RPTOR: variants seen among roughly 807,000 people sequenced by gnomAD.
RPTOR encodes the protein regulatory-associated protein of mTOR.
RPTOR carries 21 observed loss-of-function variants against 169.9 expected under a neutral mutation model. The ratio of observed to expected loss-of-function variants is 0.12; its 90% CI spans 0.09 to 0.18. The LOEUF (loss-of-function observed/expected upper bound fraction) is 0.18, where lower values mean the gene tolerates loss of function less well. Among genes scored for constraint, RPTOR ranks in the 10% least tolerant of loss-of-function variants. The pLI is 1.00. For synonymous variants in RPTOR, 732 were observed against 753.2 expected (o/e 0.97, Z 0.46); for missense variants, 1,133 against 1,855.9 (o/e 0.61, Z 7.16).
intron 7 of RPTOR, among the ~76,000 whole-genome samples, chr17:80,800,564 T>C (rs984007370): frequency 2.6e-5 from 4 of 152,190 alleles, no homozygotes; most frequent in Admixed American, 6.5e-5. Context: ...TAGTGAACCT[T>C]CCTCGAGCGA....
rs903203798 is a variant in RPTOR, at chr17:80,803,234, TCAC to T, written c.890+11726_890+11728del. ...TGTGTGGTGGCTTTTCCGGTGCTCATCACAGCCACCCGGCGAGCAGCCTCTGAG... is the reference window on the plus strand; with the variant it reads ...TGTGTGGTGGCTTTTCCGGTGCTCATAGCCACCCGGCGAGCAGCCTCTGAG... On this transcript the variant is annotated intron_variant, in intron 7 of 33. Coordinates refer to ENST00000306801, the MANE Select transcript of RPTOR (RefSeq NM_020761.3). The surrounding 1 kb of genome is among the most constrained non-coding windows in gnomAD (Gnocchi z 6.2). 6.6e-6 allele frequency: 1 copy of T among 152,260 alleles called. No homozygotes were observed. Among genetic ancestry groups the T allele is most frequent in the African/African-American group, 2.4e-5 (1 of 41,448 alleles). The allele number at this position is 152,260 out of a possible 1,614,324, so 9.4% of individuals were successfully genotyped here.
intron 3 of RPTOR, among the ~76,000 whole-genome samples, chr17:80,663,799 C>T (rs1191694431): frequency 1.3e-5 from 2 of 151,964 alleles, no homozygotes; most frequent in East Asian, 3.9e-4. Context: ...GGCCTTGTGC[C>T]TTCCTCTGCT....
At position 80,957,837 on chromosome 17, in the gene RPTOR, A is replaced by G; in HGVS notation, c.3477+107A>G. 9.9e-7 allele frequency: 1 copy of G among 1,007,066 alleles called. No homozygotes were observed. The highest frequency in any genetic ancestry group is 2.1e-4 in the Middle Eastern group (1 of 4,834). 62.4% of individuals were successfully genotyped at this position (1,007,066 alleles called of 1,614,324 possible). A position where few individuals can be genotyped will look rare whatever the true frequency, so the allele number is the denominator to read the frequency against. On this transcript the variant is annotated intron_variant, in intron 29 of 33. Transcript: ENST00000306801. This position sits in a 1 kb window ranked among gnomAD's most constrained non-coding sequence, Gnocchi z 4.6. ...GTGTGCGGTGAGGCCTGGCCATCCC[A>G]GGGGTGGAGTCAGGGCCTGGGAGGA...
intron 6 of RPTOR, among the ~76,000 whole-genome samples, chr17:80,777,723 T>C (rs962206108): frequency 6.6e-6 from 1 of 152,266 alleles, no homozygotes; most frequent in Non-Finnish European, 1.5e-5. Flanking sequence ...AGCACTTTTA[T>C]AGCTTTAGCT....
chr17:80,885,243 G>A (rs1431739777), intron 17 of RPTOR, 95 bp downstream of exon 17: 2 of 1,377,358 alleles, frequency 1.5e-6, no homozygotes, highest in Non-Finnish European at 2.0e-6. Flanking sequence ...ACAGCAGGGA[G>A]CACTCAGTTT....
chr17:80,823,383 T>C lies in RPTOR; in HGVS notation c.1136+160T>C. On this transcript the variant is annotated intron_variant, in intron 9 of 33. Transcript: ENST00000306801. The surrounding 1 kb of genome is among the most constrained non-coding windows in gnomAD (Gnocchi z 4.5). ...GCTAAATGCAGGGCTCCCAGAGATC[T>C]CCACACAGAGGAGTGGGGGTCTCCT... The C allele has an allele frequency of 3.3e-6, 3 of 896,568 alleles. No individual in the cohort carries two copies. Among genetic ancestry groups the C allele is most frequent in the South Asian group, 1.8e-5 (1 of 56,162 alleles). 55.5% of individuals were successfully genotyped at this position (896,568 alleles called of 1,614,324 possible). A position where few individuals can be genotyped will look rare whatever the true frequency, so the allele number is the denominator to read the frequency against.
rs1055596122 is a variant in RPTOR at position 80,966,071 on chromosome 17, C to A, written c.*1741C>A. 5.2e-5 allele frequency: 12 copies of A among 230,934 alleles called. No individual in the cohort carries two copies. The Admixed American group carries it at 6.8e-4, about 13-fold the overall frequency. 14.3% of individuals were successfully genotyped at this position (230,934 alleles called of 1,614,324 possible). On this transcript the variant is annotated 3_prime_UTR_variant, in exon 34 of 34. Transcript: ENST00000306801. ...ACACGCGTTTCTGTTTGTTTTGAGA[C>A]AAAATCACCACCTGTCAAAAGGCAG...
At chr17:80,729,079 AC>A (rs1409485965) in intron 4 of RPTOR, among the ~76,000 whole-genome samples, 3 of 152,182 alleles carry the variant, frequency 2.0e-5, no homozygotes, top group Non-Finnish European at 4.4e-5. Context: ...GATATAACTT[AC>A]GTCTGAGATG....
At chr17:80,624,648 C>T (rs187570371) in intron 1 of RPTOR, among the ~76,000 whole-genome samples, 4 of 152,222 alleles carry the variant, frequency 2.6e-5, no homozygotes, top group Non-Finnish European at 4.4e-5. Context: ...GAGTTTGGGG[C>T]AGATTATTTA....
intron 6 of RPTOR, chr17:80,774,355 A>T (rs2066873230): frequency 1.0e-6 from 1 of 985,158 alleles, no homozygotes; most frequent in Non-Finnish European, 1.2e-6. Flanking sequence ...ATTGTATCAT[A>T]TTTCACAATC....
intron 24 of RPTOR, among the ~76,000 whole-genome samples, chr17:80,928,387 A>G (rs1044376181): frequency 6.6e-6 from 1 of 152,228 alleles, no homozygotes; most frequent in African/African-American, 2.4e-5. Context: ...CATGTAAACT[A>G]AAAATAGCTC....
In RPTOR at chr17:80,774,266, G is replaced by A. The variant is rs528402795; in HGVS notation, c.831-17184G>A. Reference sequence around the variant, plus strand: ...GATGATGATGCTCACGCTCCGGTGTGACACAGACGGCGCGGGAGCTGCACG... The same window carrying A: ...GATGATGATGCTCACGCTCCGGTGTAACACAGACGGCGCGGGAGCTGCACG... On this transcript the variant is annotated intron_variant, in intron 6 of 33. Transcript: ENST00000306801. The A allele has an allele frequency of 3.3e-4, 321 of 985,420 alleles. 3 individuals are homozygous for A. In the African/African-American group the frequency reaches 5.3e-3, roughly 16 times the overall value. The allele number at this position is 985,420 out of a possible 1,614,324, so 61.0% of individuals were successfully genotyped here.
rs552191080 is a variant in RPTOR, at chr17:80,572,679, C to T, written c.162+26888C>T. Among the ~76,000 whole-genome samples, 457 of 152,156 alleles carry T rather than the reference C, an allele frequency of 3.0e-3. 1 individual carries two copies. Among genetic ancestry groups the T allele is most frequent in the Non-Finnish European group, 4.4e-3 (297 of 68,000 alleles). On this transcript the variant is annotated intron_variant, in intron 1 of 33. Coordinates refer to ENST00000306801, the MANE Select transcript of RPTOR (RefSeq NM_020761.3). ...GTTCCAGGCTGCAGTGAGTCGAGATCGCACCAGCACACTCCAGCCTGGGTG... is the reference window on the plus strand; with the variant it reads ...GTTCCAGGCTGCAGTGAGTCGAGATTGCACCAGCACACTCCAGCCTGGGTG...
chr17:80,824,820 A>G (rs2067420827), intron 9 of RPTOR, among the ~76,000 whole-genome samples: 1 of 152,258 alleles, frequency 6.6e-6, no homozygotes, highest in Non-Finnish European at 1.5e-5. Context: ...TCAGCTGCGC[A>G]GAGTTAAAGA....
At chr17:80,874,645 A>C (rs1056125968) in intron 13 of RPTOR, among the ~76,000 whole-genome samples, 1 of 152,126 alleles carries the variant, frequency 6.6e-6, no homozygotes, top group Non-Finnish European at 1.5e-5. Flanking sequence ...AAGAGCAGTG[A>C]GCTCTTGTGA....
At chr17:80,840,650 T>C (rs1337520330) in intron 10 of RPTOR, among the ~76,000 whole-genome samples, 2 of 48,724 alleles carry the variant, frequency 4.1e-5, no homozygotes, top group Non-Finnish European at 1.0e-4. Context: ...GGCAGCTCAC[T>C]CTCACCACAC....
chr17:80,942,747 G>A (rs2069048739), intron 25 of RPTOR, among the ~76,000 whole-genome samples: 1 of 152,252 alleles, frequency 6.6e-6, no homozygotes, highest in South Asian at 2.1e-4. Flanking sequence ...AGGAGACGGG[G>A]TTGGGAAAGC....
chr17:80,954,840 C>G (rs2069228320), intron 28 of RPTOR, among the ~76,000 whole-genome samples: 1 of 152,094 alleles, frequency 6.6e-6, no homozygotes, highest in African/African-American at 2.4e-5. Flanking sequence ...TCACTTGAAC[C>G]TGGGAGGCGG....
At chr17:80,648,993 A>T (rs1250739183) in intron 3 of RPTOR, among the ~76,000 whole-genome samples, 1 of 152,232 alleles carries the variant, frequency 6.6e-6, no homozygotes, top group African/African-American at 2.4e-5. Flanking sequence ...AGCCATGTGG[A>T]ACTATAAGTC....
Sources: gnomAD v4.1 joint callset for allele counts (sites outside exome capture counted in the v4.1 genomes callset) on GRCh38, gnomAD v4.1.1 for gene constraint, Gnocchi (gnomAD v3.1) non-coding constraint, MANE v1.5 for transcripts, NCBI Gene and HGNC (gene_info 2026-07-23, HGNC 2026-07-21) for gene names.